UFL1: variants seen among roughly 807,000 people sequenced by gnomAD.
UFL1 encodes UFM1 specific ligase 1.
UFL1 carries 78 observed loss-of-function variants against 99.3 expected under a neutral mutation model. That is an observed-to-expected ratio of 0.79 (90% CI 0.65 to 0.95). The LOEUF (loss-of-function observed/expected upper bound fraction) is 0.95, where lower values mean the gene tolerates loss of function less well. Among genes scored for constraint, UFL1 ranks in the 40% least tolerant of loss-of-function variants. The pLI is 0.00. For synonymous variants in UFL1, 335 were observed against 322.2 expected (o/e 1.04, Z -0.42); for missense variants, 936 against 937.0 (o/e 1.00, Z 0.01).
intron 2 of UFL1, among the ~76,000 whole-genome samples, chr6:96,523,541 T>C (rs1018252675): frequency 1.8e-4 from 27 of 152,154 alleles, no homozygotes; most frequent in African/African-American, 6.0e-4. Flanking sequence ...TATACATGAA[T>C]TAATTGTTTC....
chr6:96,551,400 C>A, intron 15 of UFL1, 33 bp from the exon 16 acceptor site: 1 of 1,193,512 alleles, frequency 8.4e-7, no homozygotes, highest in Non-Finnish European at 1.2e-6. Context: ...GTCAAAAGCA[C>A]AGTACTGAAT....
intron 15 of UFL1, 127 bp from the exon 16 acceptor site, chr6:96,551,306 G>A (rs912252757): frequency 3.5e-6 from 2 of 578,650 alleles, no homozygotes; most frequent in Non-Finnish European, 6.1e-6. Context: ...TCTCTAATTT[G>A]AGATCTAAAA....
intron 12 of UFL1, among the ~76,000 whole-genome samples, chr6:96,544,471 C>T (rs943805040): frequency 2.7e-5 from 4 of 150,748 alleles, no homozygotes; most frequent in East Asian, 3.9e-4. Context: ...GAATTCATTA[C>T]ATACGGGCTA....
intron 6 of UFL1, among the ~76,000 whole-genome samples, chr6:96,530,151 C>T (rs769989318): frequency 2.0e-5 from 3 of 152,238 alleles, no homozygotes; most frequent in Middle Eastern, 3.4e-3. Flanking sequence ...GATAAGAGTC[C>T]TTAGTCACCT....
At chr6:96,552,242 A>T (rs1321873867) in intron 17 of UFL1, among the ~76,000 whole-genome samples, 1 of 152,048 alleles carries the variant, frequency 6.6e-6, no homozygotes, top group Non-Finnish European at 1.5e-5. Context: ...AGCAACTCAA[A>T]ACAAAAAACA....
Position 96,549,519 on chromosome 6 carries a change from A to T in UFL1, c.1628A>T (p.Glu543Val), listed in dbSNP as rs780672000. ...RKRTIKDLQE[E>V]VSNLYNNIRL... ...CGCACAATCAAGGACTTGCAAGAAG[A>T]AGTTTCAAACCTGTACAATAACATT... is the stretch of plus-strand genomic sequence containing the variant. Residue 543 changes from glutamate (E) to valine (V), a missense_variant, in exon 14 of 19, where the codon GAA becomes GTA. Transcript: ENST00000369278. 12 of 1,593,444 alleles carry T rather than the reference A, an allele frequency of 7.5e-6. No individual in the cohort carries two copies. The highest frequency in any genetic ancestry group is 1.0e-5 in the Non-Finnish European group (12 of 1,173,692).
chr6:96,526,667 C>G (rs1020065206), intron 5 of UFL1, among the ~76,000 whole-genome samples: 1 of 152,130 alleles, frequency 6.6e-6, no homozygotes, highest in Non-Finnish European at 1.5e-5. Flanking sequence ...AAGAGACACC[C>G]TAAAACTAAT....
intron 6 of UFL1, among the ~76,000 whole-genome samples, chr6:96,530,367 A>G (rs1582438480): frequency 6.6e-6 from 1 of 152,182 alleles, no homozygotes; most frequent in Non-Finnish European, 1.5e-5. Flanking sequence ...AAATAACACT[A>G]TATTCTTGTT....
At chr6:96,530,330 A>G (rs1010773762) in intron 6 of UFL1, among the ~76,000 whole-genome samples, 16 of 152,180 alleles carry the variant, frequency 1.1e-4, no homozygotes, top group Middle Eastern at 3.2e-3. Flanking sequence ...TATTCAGGTT[A>G]TGTGTCTTTT....
chr6:96,535,480 G>C (rs1769840173), intron 7 of UFL1, among the ~76,000 whole-genome samples: 1 of 151,978 alleles, frequency 6.6e-6, no homozygotes, highest in African/African-American at 2.4e-5. Flanking sequence ...TATTTAGTTA[G>C]TATTTATTAT....
chr6:96,529,968 A>G (rs1489744916), intron 6 of UFL1, among the ~76,000 whole-genome samples: 2 of 152,130 alleles, frequency 1.3e-5, no homozygotes, highest in Non-Finnish European at 2.9e-5. Context: ...TGTATTTCCT[A>G]TAGAAAGGGG....
chr6:96,540,522 T>A lies in UFL1; in HGVS notation c.1159-13T>A. On this transcript the variant is annotated splice_polypyrimidine_tract_variant and intron_variant, in intron 10 of 18. Transcript: ENST00000369278. ...TGTGTTTTTCCTACCAAAAAAAGCATGTTTTATTTTAGGAAATGAAAAATA... is the reference window on the plus strand; with the variant it reads ...TGTGTTTTTCCTACCAAAAAAAGCAAGTTTTATTTTAGGAAATGAAAAATA... 6.3e-7 allele frequency: 1 copy of A among 1,588,938 alleles called. No homozygotes were observed. Among genetic ancestry groups the A allele is most frequent in the Non-Finnish European group, 8.5e-7 (1 of 1,171,486 alleles).
At position 96,521,844 on chromosome 6, in the gene UFL1, T is replaced by A. The variant is rs921228694; in HGVS notation, c.-30T>A. The A allele has an allele frequency of 9.4e-6, 15 of 1,602,708 alleles. No homozygotes were observed. Among genetic ancestry groups the A allele is most frequent in the Non-Finnish European group, 1.3e-5 (15 of 1,175,506 alleles). ...GCCTGTCGGCTGACGTGTCTGCAGT[T>A]CCTCCGCGTCTACTGCGAGTCAGGC... is the stretch of plus-strand genomic sequence containing the variant. On this transcript the variant is annotated 5_prime_UTR_variant, in exon 1 of 19. Coordinates refer to ENST00000369278, the MANE Select transcript of UFL1 (RefSeq NM_015323.5).
chr6:96,521,864 T>C lies in UFL1; in HGVS notation c.-10T>C, dbSNP rs1582434541. The stretch of plus-strand genomic sequence containing the variant: ...GCAGTTCCTCCGCGTCTACTGCGAG[T>C]CAGGCCGTGATGGCGGACGCCTGGG... On this transcript the variant is annotated 5_prime_UTR_variant, in exon 1 of 19. Coordinates refer to ENST00000369278, the MANE Select transcript of UFL1 (RefSeq NM_015323.5). 2.5e-6 allele frequency: 4 copies of C among 1,610,498 alleles called. No homozygotes were observed. The South Asian group carries it at 4.4e-5, about 18-fold the overall frequency.
chr6:96,553,823 A>G lies in UFL1; in HGVS notation c.*320A>G, dbSNP rs1264247059. Reference sequence around the variant, plus strand: ...TCTCTTTCCAAATGTTGAATGAAAAACAAATTTTCCAATCCATTTATCCCT... The same window carrying G: ...TCTCTTTCCAAATGTTGAATGAAAAGCAAATTTTCCAATCCATTTATCCCT... On this transcript the variant is annotated 3_prime_UTR_variant, in exon 19 of 19. Transcript: ENST00000369278. The G allele has an allele frequency of 9.3e-6, 2 of 214,288 alleles. No homozygotes were observed. Among genetic ancestry groups the G allele is most frequent in the Non-Finnish European group, 1.9e-5 (2 of 107,462 alleles). 13.3% of individuals were successfully genotyped at this position (214,288 alleles called of 1,614,324 possible).
At chr6:96,535,883 T>C (rs572378324) in intron 7 of UFL1, among the ~76,000 whole-genome samples, 8 of 152,196 alleles carry the variant, frequency 5.3e-5, no homozygotes, top group Admixed American at 5.2e-4. Flanking sequence ...ATATTACCTG[T>C]TCTTGAAGTG....
chr6:96,532,149 A>C (rs556387995), intron 6 of UFL1, among the ~76,000 whole-genome samples: 10 of 152,218 alleles, frequency 6.6e-5, no homozygotes, highest in Non-Finnish European at 1.3e-4. Context: ...AATTCAGCTA[A>C]AGTTTCATCA....
intron 11 of UFL1, among the ~76,000 whole-genome samples, chr6:96,541,483 A>G (rs1016372121): frequency 7.3e-5 from 11 of 151,560 alleles, no homozygotes; most frequent in East Asian, 1.9e-4. Flanking sequence ...AAGAAATTCA[A>G]TATTCAACAT....
chr6:96,522,122 C>T (rs138149174), intron 1 of UFL1, among the ~76,000 whole-genome samples, 172 bp downstream of exon 1: 413 of 152,286 alleles, frequency 2.7e-3, no homozygotes, highest in African/African-American at 9.4e-3. Flanking sequence ...GTCCAAGGCT[C>T]GGCGGGAAAG....
Sources: gnomAD v4.1 joint callset for allele counts (sites outside exome capture counted in the v4.1 genomes callset) on GRCh38, gnomAD v4.1.1 for gene constraint, MANE v1.5 for transcripts, NCBI Gene and HGNC (gene_info 2026-07-23, HGNC 2026-07-21) for gene names.